Variants in PPP1R13B observed in about 807,000 individuals in gnomAD.
PPP1R13B encodes the protein protein phosphatase 1 regulatory subunit 13B, also known as apoptosis-stimulating of p53 protein 1.
PPP1R13B carries 44 observed loss-of-function variants against 119.8 expected under a neutral mutation model. That is an observed-to-expected ratio of 0.37 (90% CI 0.29 to 0.47). The LOEUF (loss-of-function observed/expected upper bound fraction) is 0.47, where lower values mean the gene tolerates loss of function less well. Ranked by LOEUF, PPP1R13B falls within the 20% of genes least tolerant of loss-of-function variation. PPP1R13B has a pLI of 0.99. For missense variants in PPP1R13B, 1,227 were observed against 1,413.5 expected, an observed-to-expected ratio of 0.87 and a Z score of 2.12; for synonymous variants, 542 against 561.5, an observed-to-expected ratio of 0.97 and a Z score of 0.49.
At chr14:103,735,957 A>G (rs969510134) in intron 16 of PPP1R13B, 46 bp downstream of exon 16, 2 of 1,599,902 alleles carry the variant, frequency 1.3e-6, no homozygotes, top group South Asian at 1.1e-5. Flanking sequence ...CATGCTGTAC[A>G]GAGACACGGG....
chr14:103,838,580 T>C (rs1459896984), intron 1 of PPP1R13B, among the ~76,000 whole-genome samples: 1 of 152,230 alleles, frequency 6.6e-6, no homozygotes, highest in Non-Finnish European at 1.5e-5. Context: ...AGGTGAATTT[T>C]ATAGCACATG....
chr14:103,796,202 G>C (rs1409818791), intron 2 of PPP1R13B, among the ~76,000 whole-genome samples: 4 of 152,136 alleles, frequency 2.6e-5, no homozygotes, highest in African/African-American at 9.7e-5. Flanking sequence ...AGCACTGCTT[G>C]AGCCCAGAAG....
intron 8 of PPP1R13B, among the ~76,000 whole-genome samples, chr14:103,748,297 C>T (rs905870865): frequency 2.0e-5 from 3 of 152,132 alleles, no homozygotes; most frequent in Non-Finnish European, 4.4e-5. Context: ...AAATAAACTA[C>T]TGATCTTTAA....
intron 1 of PPP1R13B, among the ~76,000 whole-genome samples, chr14:103,846,214 T>C (rs1364890227): frequency 6.6e-6 from 1 of 152,080 alleles, no homozygotes; most frequent in Admixed American, 6.6e-5. Context: ...CCTTAAGACT[T>C]GGAAAACGCT....
chr14:103,811,161 A>C lies in PPP1R13B; in HGVS notation c.10-13643T>G, dbSNP rs538225343. Among the ~76,000 whole-genome samples, 11 of 151,700 alleles carry C rather than the reference A, an allele frequency of 7.3e-5. No individual in the cohort carries two copies. In the South Asian group the frequency reaches 1.5e-3, roughly 20 times the overall value. Reference sequence around the variant, plus strand: ...GCTTGAAATAATGGTTGCTTTACTAATGTTGATCACGTGAATATTATGGAA... The same window carrying C: ...GCTTGAAATAATGGTTGCTTTACTACTGTTGATCACGTGAATATTATGGAA... On this transcript the variant is annotated intron_variant, in intron 1 of 16. Coordinates refer to ENST00000202556, the MANE Select transcript of PPP1R13B (RefSeq NM_015316.3).
At chr14:103,817,843 G>C (rs924981633) in intron 1 of PPP1R13B, among the ~76,000 whole-genome samples, 1 of 151,688 alleles carries the variant, frequency 6.6e-6, no homozygotes, top group Non-Finnish European at 1.5e-5. Context: ...TAACCCAAGT[G>C]TGTCTGACTC....
intron 1 of PPP1R13B, chr14:103,847,026 T>C: frequency 1.8e-6 from 2 of 1,130,838 alleles, no homozygotes; most frequent in Non-Finnish European, 2.2e-6. Flanking sequence ...ACCGAGGAGA[T>C]GACCGGCCCC....
chr14:103,748,733 G>A (rs2084462756), intron 8 of PPP1R13B, among the ~76,000 whole-genome samples: 1 of 152,178 alleles, frequency 6.6e-6, no homozygotes, highest in Non-Finnish European at 1.5e-5. Context: ...TGGTACATGT[G>A]CTCACCAATG....
intron 3 of PPP1R13B, among the ~76,000 whole-genome samples, chr14:103,782,867 G>A (rs916480278): frequency 2.6e-4 from 39 of 151,772 alleles, no homozygotes; most frequent in East Asian, 1.4e-3. Flanking sequence ...GCAATGGCGC[G>A]ATCTCGGGCT....
chr14:103,822,216 C>T (rs1222343202), intron 1 of PPP1R13B, among the ~76,000 whole-genome samples: 4 of 151,928 alleles, frequency 2.6e-5, no homozygotes, highest in Non-Finnish European at 4.4e-5. Context: ...CTCACTGCAA[C>T]CTCCGCCTCC....
At position 103,744,611 on chromosome 14, in the gene PPP1R13B, C is replaced by T. The variant is rs113631018; in HGVS notation, c.1150+1762G>A. On this transcript the variant is annotated intron_variant, in intron 9 of 16. Coordinates refer to ENST00000202556, the MANE Select transcript of PPP1R13B (RefSeq NM_015316.3). ...CCCACTAAGCTTGTCAGCCAACATA[C>T]GGTTTACAAATGGGCTTGCAGAGGG... 3.1e-3 allele frequency among the ~76,000 whole-genome samples: 470 copies of T among 152,318 alleles called. 3 individuals are homozygous for T. The highest frequency in any genetic ancestry group is 0.011 in the African/African-American group (449 of 41,574).
chr14:103,801,652 C>CT (rs2085903590), intron 1 of PPP1R13B, among the ~76,000 whole-genome samples: 1 of 152,146 alleles, frequency 6.6e-6, no homozygotes, highest in Non-Finnish European at 1.5e-5. Flanking sequence ...GACTCCCTCC[C>CT]TTTATAGACT....
intron 7 of PPP1R13B, among the ~76,000 whole-genome samples, chr14:103,751,117 G>A (rs1303417635): frequency 1.3e-5 from 2 of 152,178 alleles, no homozygotes; most frequent in Non-Finnish European, 2.9e-5. Context: ...TCGTGCCACT[G>A]CACTCCAGCC....
At chr14:103,741,760 C>T (rs2084262411) in intron 11 of PPP1R13B, 30 bp downstream of exon 11, 1 of 1,574,110 alleles carries the variant, frequency 6.4e-7, no homozygotes, top group Non-Finnish European at 8.6e-7. Context: ...TTCCTAGCCC[C>T]AAGAAAAGGA....
chr14:103,800,940 T>C (rs1020490319), intron 1 of PPP1R13B, among the ~76,000 whole-genome samples: 4 of 152,092 alleles, frequency 2.6e-5, no homozygotes, highest in Non-Finnish European at 5.9e-5. Flanking sequence ...AACCTCCGCC[T>C]CCTGGGTTCA....
intron 1 of PPP1R13B, among the ~76,000 whole-genome samples, chr14:103,839,245 C>T (rs1290149169): frequency 1.3e-5 from 2 of 152,070 alleles, no homozygotes; most frequent in Non-Finnish European, 2.9e-5. Flanking sequence ...ATCTCCTAAC[C>T]TTGTGATCTG....
chr14:103,799,930 A>G (rs528595223), intron 1 of PPP1R13B, among the ~76,000 whole-genome samples: 12 of 151,992 alleles, frequency 7.9e-5, no homozygotes, highest in Non-Finnish European at 1.6e-4. Flanking sequence ...ACGCACCTGC[A>G]GTCCCAGCTA....
At chr14:103,757,819 C>A in intron 4 of PPP1R13B, 68 bp from the exon 5 acceptor site, 1 of 1,342,708 alleles carries the variant, frequency 7.4e-7, no homozygotes, top group Non-Finnish European at 1.1e-6. Context: ...AGTGTCAAAA[C>A]TCACACATAT....
At chr14:103,755,753 A>G (rs1309177728) in intron 5 of PPP1R13B, among the ~76,000 whole-genome samples, 1 of 152,236 alleles carries the variant, frequency 6.6e-6, no homozygotes, top group Non-Finnish European at 1.5e-5. Flanking sequence ...AAAAAAATAA[A>G]AAGCAGAATT....
Sources: allele counts gnomAD v4.1 joint callset (sites outside exome capture counted in the v4.1 genomes callset), GRCh38; gene constraint gnomAD v4.1.1; transcripts MANE v1.5; gene names NCBI Gene and HGNC (gene_info 2026-07-23, HGNC 2026-07-21).